RASSF2: variants seen among roughly 807,000 people sequenced by gnomAD.
RASSF2 encodes ras association domain-containing protein 2.
In RASSF2, 34 loss-of-function variants were observed where a neutral mutation model predicts 46.3. That is an observed-to-expected ratio of 0.73 (90% CI 0.56 to 0.98). The LOEUF (loss-of-function observed/expected upper bound fraction) is 0.98. RASSF2 is among the 50% of genes least tolerant of loss of function. The pLI, the probability that RASSF2 is intolerant of heterozygous loss-of-function variation, is 0.00. For missense variants in RASSF2, 364 were observed against 431.2 expected (o/e 0.84, Z 1.38); for synonymous variants, 158 against 162.5 (o/e 0.97, Z 0.21).
chr20:4,814,681 A>G (rs191416439), intron 2 of RASSF2, among the ~76,000 whole-genome samples: 218 of 152,222 alleles, frequency 1.4e-3, no homozygotes, highest in African/African-American at 5.0e-3. Context: ...GGCATATCTG[A>G]CATCCACCCT....
At chr20:4,799,284 G>A (rs147984824) in intron 3 of RASSF2, among the ~76,000 whole-genome samples, 175 of 152,342 alleles carry the variant, frequency 1.1e-3, no homozygotes, top group African/African-American at 4.0e-3. Flanking sequence ...CACGTGGCCA[G>A]AGAGGAGATT....
At position 4,790,402 on chromosome 20, in the gene RASSF2, C is replaced by T; in HGVS notation, c.537+49G>A. 2 of 1,404,102 alleles carry T rather than the reference C, an allele frequency of 1.4e-6. No homozygotes were observed. Among genetic ancestry groups the T allele is most frequent in the Non-Finnish European group, 1.9e-6 (2 of 1,074,982 alleles). 87.0% of individuals were successfully genotyped at this position (1,404,102 alleles called of 1,614,324 possible). A position where few individuals can be genotyped will look rare whatever the true frequency, so the allele number is the denominator to read the frequency against. Reference sequence around the variant, plus strand: ...TATGGCTGTAGCCCTGAGGTGGCATCTACCCAGGAAGAGGTCTTCCACCCT... The same window carrying T: ...TATGGCTGTAGCCCTGAGGTGGCATTTACCCAGGAAGAGGTCTTCCACCCT... On this transcript the variant is annotated intron_variant, in intron 7 of 11. Coordinates refer to ENST00000379400, the MANE Select transcript of RASSF2 (RefSeq NM_014737.3). This position sits in a 1 kb window ranked among gnomAD's most constrained non-coding sequence, Gnocchi z 4.3.
intron 2 of RASSF2, among the ~76,000 whole-genome samples, chr20:4,814,659 G>A (rs747340936): frequency 5.3e-5 from 8 of 152,152 alleles, no homozygotes; most frequent in Admixed American, 1.3e-4. Flanking sequence ...TGGTCGGGGC[G>A]GCAGTCATTG....
intron 2 of RASSF2, among the ~76,000 whole-genome samples, chr20:4,813,279 G>C (rs948622795): frequency 6.6e-6 from 1 of 152,150 alleles, no homozygotes; most frequent in African/African-American, 2.4e-5. Context: ...AACACAGCAA[G>C]GGCCATGCTG....
intron 8 of RASSF2, 74 bp downstream of exon 8, chr20:4,789,522 C>T (rs1265948971): frequency 7.7e-7 from 1 of 1,295,708 alleles, no homozygotes; most frequent in South Asian, 1.2e-5. Context: ...TCCATAGCTC[C>T]TCGCACAACC....
At chr20:4,794,795 C>G (rs1271450178) in intron 5 of RASSF2, among the ~76,000 whole-genome samples, 1 of 152,174 alleles carries the variant, frequency 6.6e-6, no homozygotes, top group Non-Finnish European at 1.5e-5. Context: ...GAACCTTAAC[C>G]AGACATCCTA....
At chr20:4,803,772 A>G (rs1033794878) in intron 2 of RASSF2, among the ~76,000 whole-genome samples, 1 of 145,666 alleles carries the variant, frequency 6.9e-6, no homozygotes, top group African/African-American at 2.6e-5. Flanking sequence ...AAAATAATAA[A>G]ATAAGGCCAG....
intron 2 of RASSF2, among the ~76,000 whole-genome samples, chr20:4,811,172 C>G (rs1309880356): frequency 1.2e-5 from 1 of 83,056 alleles, no homozygotes; most frequent in Non-Finnish European, 2.7e-5. Context: ...CATTGTGAGA[C>G]CCCATCTCTA....
At chr20:4,814,804 G>C (rs967147766) in intron 2 of RASSF2, among the ~76,000 whole-genome samples, 2 of 152,204 alleles carry the variant, frequency 1.3e-5, no homozygotes, top group Admixed American at 6.5e-5. Flanking sequence ...ACATCGGGGG[G>C]TTTCCAGACC....
chr20:4,787,069 A>G (rs1925423278), intron 10 of RASSF2, among the ~76,000 whole-genome samples: 1 of 152,112 alleles, frequency 6.6e-6, no homozygotes, highest in Non-Finnish European at 1.5e-5. Flanking sequence ...AAAAAAAAAA[A>G]AAAGTTAAAA....
chr20:4,805,289 T>A (rs1927254787), intron 2 of RASSF2, among the ~76,000 whole-genome samples: 1 of 151,938 alleles, frequency 6.6e-6, no homozygotes, highest in East Asian at 1.9e-4. Flanking sequence ...AGAGGGAGGC[T>A]CTGCCACAGC....
rs1255430545 is a variant in RASSF2 at position 4,795,898 on chromosome 20, C to A, written c.204G>T (p.Leu68=). The change falls in exon 5 of 12, where the codon CTG becomes CTT. Residue 68 remains leucine, a synonymous_variant. Coordinates refer to ENST00000379400, the MANE Select transcript of RASSF2 (RefSeq NM_014737.3). The surrounding 1 kb of genome is among the most constrained non-coding windows in gnomAD (Gnocchi z 4.0). The stretch of plus-strand genomic sequence containing the variant: ...TGCGTTCGTTGTCATCCTGCATCTG[C>A]AGGCGAATGGGCCGGCGCAGGCCCC... ...ISWGLRRPIR[L]QMQDDNERIR... 1 of 1,608,088 alleles carries A rather than the reference C, an allele frequency of 6.2e-7. No individual in the cohort carries two copies. The highest frequency in any genetic ancestry group is 8.5e-7 in the Non-Finnish European group (1 of 1,176,568).
chr20:4,821,882 T>C (rs369759268), intron 2 of RASSF2, among the ~76,000 whole-genome samples: 3 of 152,292 alleles, frequency 2.0e-5, no homozygotes, highest in Admixed American at 6.5e-5. Context: ...AAAACACAGC[T>C]ACTGCCCACC....
At chr20:4,788,303 T>G (rs748976130) in intron 8 of RASSF2, 35 bp from the exon 9 acceptor site, 1 of 1,571,952 alleles carries the variant, frequency 6.4e-7, no homozygotes, top group Admixed American at 1.7e-5. Flanking sequence ...GTTGAAAGTT[T>G]CTATTTAAAC....
At chr20:4,794,690 CAG>C (rs1926191705) in intron 5 of RASSF2, among the ~76,000 whole-genome samples, 1 of 152,202 alleles carries the variant, frequency 6.6e-6, no homozygotes, top group African/African-American at 2.4e-5. Context: ...GCCTGGGAAA[CAG>C]AGTGAGACCT....
At chr20:4,807,869 C>T (rs76944786) in intron 2 of RASSF2, among the ~76,000 whole-genome samples, 58 of 152,316 alleles carry the variant, frequency 3.8e-4, no homozygotes, top group African/African-American at 1.3e-3. Context: ...CCCTCTTTTG[C>T]CCCACTCTGG....
chr20:4,795,004 G>C lies in RASSF2; in HGVS notation c.287+811C>G, dbSNP rs548144895. ...TAAACCAGAAAAAAAGGTCACTGTG[G>C]TTTTGGCTGAGAGGCGAGCACACTC... is the stretch of plus-strand genomic sequence containing the variant. On this transcript the variant is annotated intron_variant, in intron 5 of 11. Transcript: ENST00000379400. The surrounding 1 kb of genome is among the most constrained non-coding windows in gnomAD (Gnocchi z 4.0). Among the ~76,000 whole-genome samples, 14 of 152,356 alleles carry C rather than the reference G, an allele frequency of 9.2e-5. No homozygotes were observed. Among genetic ancestry groups the C allele is most frequent in the African/African-American group, 3.4e-4 (14 of 41,586 alleles).
At chr20:4,798,226 G>T in intron 3 of RASSF2, 141 bp from the exon 4 acceptor site, 1 of 1,347,788 alleles carries the variant, frequency 7.4e-7, no homozygotes, top group Non-Finnish European at 9.9e-7. Flanking sequence ...ACACACACAT[G>T]CACATGCACA....
chr20:4,814,114 C>T (rs1928080714), intron 2 of RASSF2, among the ~76,000 whole-genome samples: 2 of 152,124 alleles, frequency 1.3e-5, no homozygotes, highest in Admixed American at 1.3e-4. Flanking sequence ...TTTTAATGTC[C>T]TACCTGGGGA....
Sources: gnomAD v4.1 joint callset for allele counts (sites outside exome capture counted in the v4.1 genomes callset) on GRCh38, gnomAD v4.1.1 for gene constraint, Gnocchi (gnomAD v3.1) non-coding constraint, MANE v1.5 for transcripts, NCBI Gene and HGNC (gene_info 2026-07-23, HGNC 2026-07-21) for gene names.